Variants in PDZD2 observed in about 807,000 individuals in gnomAD.
PDZD2 encodes PDZ domain containing 2, also known as PDZ domain-containing protein 2.
PDZD2 carries 90 observed loss-of-function variants against 220.7 expected under a neutral mutation model. The observed-to-expected ratio is 0.41, with a 90% CI of 0.34 to 0.49. The LOEUF (loss-of-function observed/expected upper bound fraction) is 0.49. Ranked by LOEUF, PDZD2 falls within the 20% of genes least tolerant of loss-of-function variation. The pLI is 0.28. For synonymous variants in PDZD2, 1,375 were observed against 1,450.5 expected (o/e 0.95, Z 1.18); for missense variants, 3,174 against 3,608.5 (o/e 0.88, Z 3.08).
At chr5:31,697,903 ATTTTTTAT>A (rs1561390266) in intron 1 of PDZD2, among the ~76,000 whole-genome samples, 4 of 48,266 alleles carry the variant, frequency 8.3e-5, no homozygotes, top group African/African-American at 4.9e-4. Context: ...TATTATTATC[ATTTTTTAT>A]CATTTTTTTT....
intron 6 of PDZD2, among the ~76,000 whole-genome samples, chr5:32,013,048 T>C (rs2112095236): frequency 6.6e-6 from 1 of 152,250 alleles, no homozygotes; most frequent in South Asian, 2.1e-4. Context: ...AACATTTTGC[T>C]GTGGCTTTCT....
intron 24 of PDZD2, among the ~76,000 whole-genome samples, chr5:32,106,667 T>C (rs1005064228): frequency 1.3e-5 from 2 of 152,352 alleles, no homozygotes; most frequent in African/African-American, 4.8e-5. Flanking sequence ...GAACCTCCCA[T>C]GTCCTGAAGC....
At chr5:32,057,119 G>T (rs1390700495) in intron 10 of PDZD2, among the ~76,000 whole-genome samples, 2 of 151,968 alleles carry the variant, frequency 1.3e-5, no homozygotes, top group Non-Finnish European at 2.9e-5. Context: ...TTTTTTTTTA[G>T]TAAAAAAAAG....
Position 32,107,960 on chromosome 5 carries a change from T to C in PDZD2, c.8354-9T>C. On this transcript the variant is annotated splice_polypyrimidine_tract_variant and intron_variant, in intron 24 of 24. Transcript: ENST00000438447. ...CAAGCTATTAATTATTCTGTGTTTA[T>C]TCTCGTAGGTGGTGCGGCTGAACAA... 6.2e-7 allele frequency: 1 copy of C among 1,604,490 alleles called. No homozygotes were observed. The highest frequency in any genetic ancestry group is 8.5e-7 in the Non-Finnish European group (1 of 1,173,616).
intron 2 of PDZD2, among the ~76,000 whole-genome samples, chr5:31,911,869 CCT>C (rs1743239308): frequency 1.3e-5 from 2 of 152,212 alleles, no homozygotes; most frequent in South Asian, 4.1e-4. Flanking sequence ...ACCCTTGCCG[CCT>C]CTGTCACTCA....
chr5:31,875,914 C>T (rs186039480), intron 2 of PDZD2, among the ~76,000 whole-genome samples: 53 of 151,920 alleles, frequency 3.5e-4, no homozygotes, highest in Non-Finnish European at 6.6e-4. Flanking sequence ...TGAGTCCATC[C>T]TTTCATACTC....
chr5:31,657,815 C>T (rs1435945608), intron 1 of PDZD2, among the ~76,000 whole-genome samples: 2 of 152,000 alleles, frequency 1.3e-5, no homozygotes, highest in African/African-American at 4.8e-5. Flanking sequence ...CACATCTTGA[C>T]TATTGTGTGC....
intron 2 of PDZD2, among the ~76,000 whole-genome samples, chr5:31,931,083 C>T (rs6450880): frequency 0.79 from 119,659 of 152,142 alleles, 47,115 homozygotes; most frequent in Middle Eastern, 0.85. Flanking sequence ...GGTATAGTGG[C>T]GCGATCTCAG....
intron 1 of PDZD2, among the ~76,000 whole-genome samples, chr5:31,745,413 G>A (rs1249877232): frequency 2.0e-5 from 3 of 152,152 alleles, no homozygotes; most frequent in Admixed American, 6.5e-5. Context: ...TACACAGTAG[G>A]TGCTCAATAA....
At chr5:31,768,798 G>A (rs1433709904) in intron 1 of PDZD2, among the ~76,000 whole-genome samples, 1 of 152,192 alleles carries the variant, frequency 6.6e-6, no homozygotes, top group Non-Finnish European at 1.5e-5. Context: ...CTGGAGCAGG[G>A]ACAGCGGTGG....
chr5:31,869,054 T>C (rs1027190127), intron 2 of PDZD2, among the ~76,000 whole-genome samples: 6 of 152,160 alleles, frequency 3.9e-5, no homozygotes, highest in South Asian at 2.1e-4. Flanking sequence ...ATTACAGACA[T>C]GAGCCACCAT....
Position 31,929,367 on chromosome 5 carries a change from C to G in PDZD2, c.477-53788C>G, listed in dbSNP as rs148411109. Among the ~76,000 whole-genome samples, 778 of 152,350 alleles carry G rather than the reference C, an allele frequency of 5.1e-3. 9 individuals carry two copies. The highest frequency in any genetic ancestry group is 0.018 in the African/African-American group (743 of 41,588). ...CTACAGATCATTCTTTGTGGGAGGACTGTCTTGCATACCATCAAATGTTTA... is the reference window on the plus strand; with the variant it reads ...CTACAGATCATTCTTTGTGGGAGGAGTGTCTTGCATACCATCAAATGTTTA... On this transcript the variant is annotated intron_variant, in intron 2 of 24. Coordinates refer to ENST00000438447, the MANE Select transcript of PDZD2 (RefSeq NM_178140.4).
intron 1 of PDZD2, among the ~76,000 whole-genome samples, chr5:31,762,683 T>C (rs556492745): frequency 1.2e-3 from 186 of 152,286 alleles, no homozygotes; most frequent in African/African-American, 4.2e-3. Context: ...TCAACTTCCA[T>C]GGAAGCCATG....
chr5:31,859,139 C>T (rs750451499), intron 2 of PDZD2, among the ~76,000 whole-genome samples: 2 of 152,104 alleles, frequency 1.3e-5, no homozygotes, highest in Non-Finnish European at 1.5e-5. Context: ...AATCCCCAAC[C>T]AATCAGCAGC....
intron 1 of PDZD2, chr5:31,711,909 T>C (rs943233943): frequency 4.6e-5 from 7 of 152,218 alleles, no homozygotes; most frequent in African/African-American, 1.7e-4. Context: ...AAAAATAGAA[T>C]AACAAATAGA....
chr5:32,031,690 G>C (rs1489556513), intron 6 of PDZD2, among the ~76,000 whole-genome samples: 2 of 151,902 alleles, frequency 1.3e-5, no homozygotes, highest in African/African-American at 2.4e-5. Context: ...CTGAGACCTG[G>C]GGGGAGAAAG....
intron 2 of PDZD2, among the ~76,000 whole-genome samples, chr5:31,881,368 G>GTGTATA (rs1554088494): frequency 1.6e-3 from 134 of 83,436 alleles, no homozygotes; most frequent in African/African-American, 5.6e-3. Context: ...GTGTGTGTGT[G>GTGTATA]TATATATTTT....
In PDZD2 at chr5:31,851,583, G is replaced by A. The variant is rs116517822; in HGVS notation, c.476+51859G>A. Among the ~76,000 whole-genome samples the A allele has an allele frequency of 6.3e-3, 952 of 152,250 alleles. 7 individuals are homozygous for A. The highest frequency in any genetic ancestry group is 0.022 in the African/African-American group (900 of 41,538). ...GGAAGCTACTTTGGATTCTGTTAAC[G>A]TATCAGCAGTTCCCACTCAAATTAA... On this transcript the variant is annotated intron_variant, in intron 2 of 24. Coordinates refer to ENST00000438447, the MANE Select transcript of PDZD2 (RefSeq NM_178140.4).
Position 32,002,615 on chromosome 5 carries a change from C to A in PDZD2, c.1254+2344C>A, listed in dbSNP as rs987426941. Among the ~76,000 whole-genome samples, 3 of 129,580 alleles carry A rather than the reference C, an allele frequency of 2.3e-5. No homozygotes were observed. In the Admixed American group the frequency reaches 2.4e-4, roughly 10 times the overall value. 85.0% of individuals were successfully genotyped at this position (129,580 alleles called of 152,430 possible). A position where few individuals can be genotyped will look rare whatever the true frequency, so the allele number is the denominator to read the frequency against. Reference sequence around the variant, plus strand: ...CCACACACACACACCACACACACACCAACACACACCAACACACCACCAACA... The same window carrying A: ...CCACACACACACACCACACACACACAAACACACACCAACACACCACCAACA... On this transcript the variant is annotated intron_variant, in intron 5 of 24. Transcript: ENST00000438447.
Sources: gnomAD v4.1 joint callset for allele counts (sites outside exome capture counted in the v4.1 genomes callset) on GRCh38, gnomAD v4.1.1 for gene constraint, MANE v1.5 for transcripts, NCBI Gene and HGNC (gene_info 2026-07-23, HGNC 2026-07-21) for gene names.